The following SH3BP4 variants were observed in gnomAD, a reference collection of about 807,000 sequenced individuals.
The protein encoded by SH3BP4 is SH3 domain-binding protein 4.
In SH3BP4, 33 loss-of-function variants were observed where a neutral mutation model predicts 65.5. The observed-to-expected ratio is 0.50, with a 90% confidence interval of 0.38 to 0.67. The LOEUF is 0.67. Among genes scored for constraint, SH3BP4 ranks in the 30% least tolerant of loss-of-function variants. The pLI is 0.00. For missense variants in SH3BP4, 1,134 were observed against 1,261.4 expected (o/e 0.90, Z 1.53); for synonymous variants, 552 against 545.5 (o/e 1.01, Z -0.17).
chr2:235,049,945 G>A (rs1695993823), intron 4 of SH3BP4, among the ~76,000 whole-genome samples: 1 of 151,576 alleles, frequency 6.6e-6, no homozygotes, highest in Non-Finnish European at 1.5e-5. Flanking sequence ...GAGGACCTGG[G>A]GTTGGGTGCC....
rs79002559 is a variant in SH3BP4, at chr2:234,985,061, G to A, written c.-206-10242G>A. Among the ~76,000 whole-genome samples, 4 of 152,288 alleles carry A rather than the reference G, an allele frequency of 2.6e-5. No individual in the cohort carries two copies. The East Asian group carries it at 5.8e-4, about 22-fold the overall frequency. On this transcript the variant is annotated intron_variant, in intron 1 of 5. Coordinates refer to ENST00000392011, the MANE Select transcript of SH3BP4 (RefSeq NM_014521.3). ...GCCCTGGGGGCTATATGTCTGCAGCGCATCCTCCATCCTGCAGGCTGACCC... is the reference window on the plus strand; with the variant it reads ...GCCCTGGGGGCTATATGTCTGCAGCACATCCTCCATCCTGCAGGCTGACCC...
In SH3BP4 at chr2:235,052,669, G is replaced by A. The variant is rs149657441; in HGVS notation, c.2586G>A (p.Glu862=). 4.9e-5 allele frequency: 79 copies of A among 1,598,520 alleles called. No individual in the cohort carries two copies. The highest frequency in any genetic ancestry group is 6.3e-5 in the Non-Finnish European group (74 of 1,173,176). The change falls in exon 5 of 6, where the codon GAG becomes GAA. Residue 862 remains glutamate (E), a synonymous_variant. Coordinates refer to ENST00000392011, the MANE Select transcript of SH3BP4 (RefSeq NM_014521.3). The surrounding 1 kb of genome is among the most constrained non-coding windows in gnomAD (Gnocchi z 5.0). ...EVAQRWRELA[E]KLAKVSKQQM... is the part of the protein sequence containing the mutation. ...CCCAGCGCTGGCGGGAGCTGGCTGA[G>A]AAGCTGGCCAAGGTCTCCAAGCAGC...
chr2:234,994,048 T>A (rs1693836582), intron 1 of SH3BP4, among the ~76,000 whole-genome samples: 1 of 152,240 alleles, frequency 6.6e-6, no homozygotes, highest in Admixed American at 6.5e-5. Context: ...ATTTTGCACA[T>A]CGCTTGTACC....
Position 235,042,439 on chromosome 2 carries a change from A to C in SH3BP4, c.1670A>C (p.Lys557Thr). 1 of 1,614,122 alleles carries C rather than the reference A, an allele frequency of 6.2e-7. No homozygotes were observed. ...GAGGTCAAAGCCAGCGAGCAGGCCA[A>C]AGTGGTGCGAGGATTCCAGCTGAAG... ...NYEVKASEQA[K>T]VVRGFQLKLG... Residue 557 changes from lysine to threonine, a missense_variant, in exon 4 of 6, where the codon AAA (lysine) becomes ACA (threonine). Lys to Thr is a moderately conservative substitution (Grantham distance 78). Coordinates refer to ENST00000392011, the MANE Select transcript of SH3BP4 (RefSeq NM_014521.3). This position sits in a 1 kb window ranked among gnomAD's most constrained non-coding sequence, Gnocchi z 7.3.
rs986014119 is a variant in SH3BP4 at position 234,997,949 on chromosome 2, T to C, written c.-133+2573T>C. On this transcript the variant is annotated intron_variant, in intron 2 of 5. Transcript: ENST00000392011. The surrounding 1 kb of genome is among the most constrained non-coding windows in gnomAD (Gnocchi z 4.2). ...CATCCTGTCTAACACGGTGAAACCC[T>C]GTCTCTACTAAAAATACAAAAAAAT... Among the ~76,000 whole-genome samples the C allele has an allele frequency of 1.8e-4, 27 of 151,920 alleles. No homozygotes were observed. Among genetic ancestry groups the C allele is most frequent in the Admixed American group, 3.9e-4 (6 of 15,256 alleles).
Position 235,033,255 on chromosome 2 carries a change from G to T in SH3BP4, c.-132-1616G>T, listed in dbSNP as rs1156628861. Among the ~76,000 whole-genome samples the T allele has an allele frequency of 6.6e-6, 1 of 152,152 alleles. No homozygotes were observed. The highest frequency in any genetic ancestry group is 2.1e-4 in the South Asian group (1 of 4,822). ...AAAAGTCAAGGCTCTGGCCAACTCT[G>T]TTCCTAGGAGGGCCCTCTTCCTGGC... On this transcript the variant is annotated intron_variant, in intron 2 of 5. Coordinates refer to ENST00000392011, the MANE Select transcript of SH3BP4 (RefSeq NM_014521.3). The surrounding 1 kb of genome is among the most constrained non-coding windows in gnomAD (Gnocchi z 5.7).
intron 4 of SH3BP4, among the ~76,000 whole-genome samples, chr2:235,047,367 C>T (rs1043364934): frequency 2.6e-5 from 4 of 152,128 alleles, no homozygotes; most frequent in East Asian, 1.9e-4. Context: ...GCGTCAGAGG[C>T]GAAGCAGGGG....
At chr2:234,985,593 C>T (rs1406604640) in intron 1 of SH3BP4, among the ~76,000 whole-genome samples, 1 of 152,120 alleles carries the variant, frequency 6.6e-6, no homozygotes, top group Non-Finnish European at 1.5e-5. Flanking sequence ...ACTCTCCGCG[C>T]ACAGGTATTT....
intron 2 of SH3BP4, among the ~76,000 whole-genome samples, chr2:235,016,051 C>T (rs541976590): frequency 2.7e-5 from 4 of 148,710 alleles, no homozygotes; most frequent in Non-Finnish European, 5.9e-5. Context: ...CAGATTAAAG[C>T]GATAGTTCTG....
At chr2:235,047,119 G>GC (rs1215094751) in intron 4 of SH3BP4, among the ~76,000 whole-genome samples, 1 of 152,216 alleles carries the variant, frequency 6.6e-6, no homozygotes, top group African/African-American at 2.4e-5. Flanking sequence ...GGGAAGCAGA[G>GC]CCTCCTGCCA....
chr2:234,964,930 A>G (rs577238550), intron 1 of SH3BP4, among the ~76,000 whole-genome samples: 1 of 152,224 alleles, frequency 6.6e-6, no homozygotes, highest in Non-Finnish European at 1.5e-5. Flanking sequence ...TGTGCACCAC[A>G]TCCTGTTCCA....
At position 235,052,707 on chromosome 2, in the gene SH3BP4, A is replaced by G. The variant is rs1559262679; in HGVS notation, c.2624A>G (p.Tyr875Cys). The part of the protein sequence containing the change: ...AKVSKQQMDA[Y>C]ESPHRDRNGV... ...GTCTCCAAGCAGCAGATGGACGCCT[A>G]CGAGTCTCCCCACCGGGACAGGAAC... is the stretch of plus-strand genomic sequence containing the variant. Residue 875 changes from tyrosine (Y) to cysteine (C), a missense_variant, in exon 5 of 6, where the codon TAC (tyrosine) becomes TGC (cysteine). Coordinates refer to ENST00000392011, the MANE Select transcript of SH3BP4 (RefSeq NM_014521.3). The surrounding 1 kb of genome is among the most constrained non-coding windows in gnomAD (Gnocchi z 5.0). 1 of 1,606,236 alleles carries G rather than the reference A, an allele frequency of 6.2e-7. No individual in the cohort carries two copies. Among genetic ancestry groups the G allele is most frequent in the East Asian group, 2.2e-5 (1 of 44,494 alleles).
At chr2:234,984,171 C>T (rs942272433) in intron 1 of SH3BP4, among the ~76,000 whole-genome samples, 3 of 152,126 alleles carry the variant, frequency 2.0e-5, no homozygotes, top group Admixed American at 6.5e-5. Flanking sequence ...GGAAGTGACC[C>T]ACAGGGCATA....
intron 2 of SH3BP4, among the ~76,000 whole-genome samples, chr2:235,029,055 C>G (rs1201529409): frequency 1.3e-5 from 2 of 152,176 alleles, no homozygotes; most frequent in Non-Finnish European, 2.9e-5. Context: ...AATGTTCCGG[C>G]TGCTAATTGA....
rs1418108363 is a variant in SH3BP4, at chr2:235,045,036, G to C, written c.2478+1789G>C. Among the ~76,000 whole-genome samples the C allele has an allele frequency of 6.6e-6, 1 of 152,200 alleles. No individual in the cohort carries two copies. Among genetic ancestry groups the C allele is most frequent in the Non-Finnish European group, 1.5e-5 (1 of 68,038 alleles). ...TGGGGTCACCTGCAGGGAGGGGATGGCCTGCGTCCCTCCCATCAGCCATCA... is the reference window on the plus strand; with the variant it reads ...TGGGGTCACCTGCAGGGAGGGGATGCCCTGCGTCCCTCCCATCAGCCATCA... On this transcript the variant is annotated intron_variant, in intron 4 of 5. Coordinates refer to ENST00000392011, the MANE Select transcript of SH3BP4 (RefSeq NM_014521.3). This position sits in a 1 kb window ranked among gnomAD's most constrained non-coding sequence, Gnocchi z 4.3.
chr2:235,024,569 C>G (rs1694940087), intron 2 of SH3BP4, among the ~76,000 whole-genome samples: 2 of 152,148 alleles, frequency 1.3e-5, no homozygotes, highest in Non-Finnish European at 2.9e-5. Context: ...CCGCCTCCCC[C>G]TCTCCAGCCT....
At chr2:235,017,644 T>C (rs1047423968) in intron 2 of SH3BP4, among the ~76,000 whole-genome samples, 2 of 152,060 alleles carry the variant, frequency 1.3e-5, no homozygotes, top group African/African-American at 2.4e-5. Context: ...TGAGTGAGCA[T>C]TGATATTTCT....
rs1437568264 is a variant in SH3BP4 at position 234,997,814 on chromosome 2, T to A, written c.-133+2438T>A. Among the ~76,000 whole-genome samples, 1 of 152,122 alleles carries A rather than the reference T, an allele frequency of 6.6e-6. No individual in the cohort carries two copies. Among genetic ancestry groups the A allele is most frequent in the African/African-American group, 2.4e-5 (1 of 41,420 alleles). On this transcript the variant is annotated intron_variant, in intron 2 of 5. Transcript: ENST00000392011. This position sits in a 1 kb window ranked among gnomAD's most constrained non-coding sequence, Gnocchi z 4.2. ...CAGAATACTTCATTCAAGTTCAAGT[T>A]CAGAGGGTGATTAAGAAGAATCAGA...
At chr2:234,975,639 A>C (rs1248929559) in intron 1 of SH3BP4, among the ~76,000 whole-genome samples, 1 of 152,150 alleles carries the variant, frequency 6.6e-6, no homozygotes, top group Non-Finnish European at 1.5e-5. Flanking sequence ...ACTTCAGGAG[A>C]CTGAAACAGG....
Sources: gnomAD v4.1 joint callset for allele counts (sites outside exome capture counted in the v4.1 genomes callset) on GRCh38, gnomAD v4.1.1 for gene constraint, Gnocchi (gnomAD v3.1) non-coding constraint, MANE v1.5 for transcripts, NCBI Gene and HGNC (gene_info 2026-07-23, HGNC 2026-07-21) for gene names.